The following ILRUN variants were observed in gnomAD, a reference collection of about 807,000 sequenced individuals.
The protein encoded by ILRUN is protein ILRUN.
Under a neutral mutation model 33.8 loss-of-function variants are expected in ILRUN, and 3 were observed. The observed-to-expected ratio is 0.09, with a 90% CI of 0.04 to 0.23. The LOEUF is 0.23. Ranked by LOEUF, ILRUN falls within the 10% of genes least tolerant of loss-of-function variation. The pLI, the probability that ILRUN is intolerant of heterozygous loss-of-function variation, is 1.00. For synonymous variants in ILRUN, 124 were observed against 138.9 expected, an observed-to-expected ratio of 0.89 and a Z score of 0.75; for missense variants, 210 against 375.1, an observed-to-expected ratio of 0.56 and a Z score of 3.64.
Position 34,587,721 on chromosome 6 carries a change from T to C in ILRUN, c.*2844A>G. On this transcript the variant is annotated 3_prime_UTR_variant, in exon 5 of 5. Coordinates refer to ENST00000374023, the MANE Select transcript of ILRUN (RefSeq NM_024294.4). ...TCCTTATGGGGGAGAGAAGGCTGACTGCTTCTTGTAGAAAAATGCCCCAAA... is the reference window on the plus strand; with the variant it reads ...TCCTTATGGGGGAGAGAAGGCTGACCGCTTCTTGTAGAAAAATGCCCCAAA... 1 of 207,876 alleles carries C rather than the reference T, an allele frequency of 4.8e-6. No individual in the cohort carries two copies. Among genetic ancestry groups the C allele is most frequent in the Middle Eastern group, 1.5e-3 (1 of 666 alleles). The allele number at this position is 207,876 out of a possible 1,614,324, so 12.9% of individuals were successfully genotyped here. A position where few individuals can be genotyped will look rare whatever the true frequency, so the allele number is the denominator to read the frequency against.
intron 3 of ILRUN, among the ~76,000 whole-genome samples, chr6:34,633,077 T>C (rs180679462): frequency 6.5e-4 from 99 of 152,164 alleles, no homozygotes; most frequent in African/African-American, 2.2e-3. Flanking sequence ...TACATGCAGG[T>C]TGAAAGCTAA....
chr6:34,625,707 C>T (rs184515640), intron 3 of ILRUN, among the ~76,000 whole-genome samples: 133 of 152,256 alleles, frequency 8.7e-4, no homozygotes, highest in Admixed American at 3.6e-3. Context: ...AGTACCTTCT[C>T]CCAATCGCCA....
At chr6:34,598,956 G>A (rs1287564789) in intron 4 of ILRUN, among the ~76,000 whole-genome samples, 1 of 152,204 alleles carries the variant, frequency 6.6e-6, no homozygotes, top group African/African-American at 2.4e-5. Flanking sequence ...CCAGCCAACT[G>A]GGACAGGTCC....
chr6:34,652,437 T>C (rs928742072), intron 2 of ILRUN, among the ~76,000 whole-genome samples: 1 of 152,192 alleles, frequency 6.6e-6, no homozygotes, highest in African/African-American at 2.4e-5. Flanking sequence ...GTCCAAACTA[T>C]GTGTTTGGTC....
At chr6:34,695,490 T>A (rs567437789) in intron 1 of ILRUN, among the ~76,000 whole-genome samples, 1 of 152,260 alleles carries the variant, frequency 6.6e-6, no homozygotes, top group East Asian at 1.9e-4. Context: ...CAAGAAACAC[T>A]CCTTTACGTC....
intron 1 of ILRUN, among the ~76,000 whole-genome samples, chr6:34,673,893 TAAC>T (rs1392446927): frequency 2.8e-5 from 3 of 107,704 alleles, no homozygotes; most frequent in South Asian, 5.3e-4. Flanking sequence ...TCAAAAACAG[TAAC>T]AACCACATAC....
chr6:34,694,005 G>A (rs1427202021), intron 1 of ILRUN, among the ~76,000 whole-genome samples: 1 of 151,892 alleles, frequency 6.6e-6, no homozygotes, highest in East Asian at 1.9e-4. Flanking sequence ...ATTTTTTGTA[G>A]AGACAGGATC....
intron 4 of ILRUN, among the ~76,000 whole-genome samples, chr6:34,597,962 T>C (rs1363932761): frequency 6.6e-6 from 1 of 152,178 alleles, no homozygotes; most frequent in Non-Finnish European, 1.5e-5. Flanking sequence ...TCTTACTGCT[T>C]TGGCCGTCCC....
intron 1 of ILRUN, among the ~76,000 whole-genome samples, chr6:34,657,834 G>A (rs1019919811): frequency 6.6e-6 from 1 of 152,190 alleles, no homozygotes; most frequent in Non-Finnish European, 1.5e-5. Context: ...AACATACTCA[G>A]CTATTATTAG....
intron 1 of ILRUN, among the ~76,000 whole-genome samples, chr6:34,663,333 A>G (rs930763618): frequency 2.6e-5 from 4 of 152,032 alleles, no homozygotes; most frequent in African/African-American, 9.7e-5. Context: ...TGAAGTGGAA[A>G]GATCACTTGA....
intron 3 of ILRUN, among the ~76,000 whole-genome samples, chr6:34,616,308 A>G (rs187731045): frequency 1.2e-4 from 19 of 152,304 alleles, no homozygotes; most frequent in Non-Finnish European, 2.5e-4. Flanking sequence ...AGATCAACCC[A>G]TCTTCAAAGC....
intron 4 of ILRUN, 22 bp from the exon 5 acceptor site, chr6:34,590,622 C>T (rs766337325): frequency 1.3e-6 from 2 of 1,540,600 alleles, no homozygotes; most frequent in South Asian, 1.1e-5. Context: ...TGAAGATAGT[C>T]AGTGATGGTA....
At chr6:34,634,137 T>G (rs1292270637) in intron 3 of ILRUN, among the ~76,000 whole-genome samples, 2 of 151,882 alleles carry the variant, frequency 1.3e-5, no homozygotes, top group African/African-American at 4.8e-5. Context: ...AAAAAGAAAC[T>G]AACATTGAAC....
intron 4 of ILRUN, 76 bp from the exon 5 acceptor site, chr6:34,590,676 A>G (rs1353069166): frequency 3.6e-6 from 4 of 1,097,420 alleles, no homozygotes; most frequent in Non-Finnish European, 5.6e-6. Flanking sequence ...TGCAAGATCT[A>G]TGGTTCCCAG....
chr6:34,647,918 T>C (rs1762591026), intron 2 of ILRUN, among the ~76,000 whole-genome samples: 1 of 152,162 alleles, frequency 6.6e-6, no homozygotes, highest in Non-Finnish European at 1.5e-5. Flanking sequence ...AGGCTGATCA[T>C]GAACTCCTGA....
chr6:34,696,677 G>A lies in ILRUN; in HGVS notation c.-74C>T. The A allele has an allele frequency of 5.3e-6, 8 of 1,521,778 alleles. No individual in the cohort carries two copies. Among genetic ancestry groups the A allele is most frequent in the Middle Eastern group, 3.5e-4 (2 of 5,748 alleles). The allele number at this position is 1,521,778 out of a possible 1,614,324, so 94.3% of individuals were successfully genotyped here. ...GCCGCGCCGCCGGGCCCGGGGACCT[G>A]GAGGGGGGCCGCTGCTAGCTAGCTT... On this transcript the variant is annotated 5_prime_UTR_variant, in exon 1 of 5. Transcript: ENST00000374023.
At position 34,610,373 on chromosome 6, in the gene ILRUN, C is replaced by A. The variant is rs77477397; in HGVS notation, c.512-3469G>T. Among the ~76,000 whole-genome samples, 227 of 152,210 alleles carry A rather than the reference C, an allele frequency of 1.5e-3. 2 individuals carry two copies. The highest frequency in any genetic ancestry group is 0.014 in the East Asian group (72 of 5,176). On this transcript the variant is annotated intron_variant, in intron 3 of 4. Coordinates refer to ENST00000374023, the MANE Select transcript of ILRUN (RefSeq NM_024294.4). ...ATCAATCCAATGAAGTGGGACAATC[C>A]AATAGCAGGCAGCCTGAGGGAGAAT...
Position 34,588,108 on chromosome 6 carries a change from T to C in ILRUN, c.*2457A>G. ...GAGAGAATGAATGATACTGATACCC[T>C]CCCTGGGCTGGGGAAGCCATGGACC... On this transcript the variant is annotated 3_prime_UTR_variant, in exon 5 of 5. Transcript: ENST00000374023. 1 of 398,724 alleles carries C rather than the reference T, an allele frequency of 2.5e-6. No individual in the cohort carries two copies. The highest frequency in any genetic ancestry group is 4.4e-6 in the Non-Finnish European group (1 of 226,176). The allele number at this position is 398,724 out of a possible 1,614,324, so 24.7% of individuals were successfully genotyped here.
At chr6:34,649,252 T>C (rs755672796) in intron 2 of ILRUN, among the ~76,000 whole-genome samples, 4 of 152,186 alleles carry the variant, frequency 2.6e-5, no homozygotes, top group Non-Finnish European at 5.9e-5. Flanking sequence ...GTCACGTAAC[T>C]CTGAAAAGGT....
Sources: allele counts gnomAD v4.1 joint callset (sites outside exome capture counted in the v4.1 genomes callset), GRCh38; gene constraint gnomAD v4.1.1; transcripts MANE v1.5; gene names NCBI Gene and HGNC (gene_info 2026-07-23, HGNC 2026-07-21).